Variants in HSF5 observed in about 807,000 individuals in gnomAD.
HSF5 encodes the protein heat shock transcription factor 5.
In HSF5, 5 loss-of-function variants were observed where a neutral mutation model predicts 50.8. That is an observed-to-expected ratio of 0.10 (90% confidence interval 0.05 to 0.21). The LOEUF (loss-of-function observed/expected upper bound fraction) is 0.21, where lower values mean the gene tolerates loss of function less well. Ranked by LOEUF, HSF5 falls within the 10% of genes least tolerant of loss-of-function variation. The pLI is 1.00. For synonymous variants in HSF5, 307 were observed against 307.4 expected, an observed-to-expected ratio of 1.00 and a Z score of 0.02; for missense variants, 564 against 762.6, an observed-to-expected ratio of 0.74 and a Z score of 3.07.
intron 5 of HSF5, among the ~76,000 whole-genome samples, chr17:58,433,725 G>A: frequency 6.6e-6 from 1 of 152,050 alleles, no homozygotes; most frequent in East Asian, 1.9e-4. Flanking sequence ...CTGATAATTG[G>A]CTACTGGATT....
chr17:58,487,792 G>A lies in HSF5; in HGVS notation c.483C>T (p.Ser161=). Residue 161 remains serine (S), a synonymous_variant, in exon 1 of 6, where the codon TCC becomes TCT. Transcript: ENST00000323777. ...RFQRLLITSA[S]AATAPLQHQQ... ...GGTGCTGCAGTGGCGCGGTGGCGGC[G>A]GAGGCCGAGGTGATGAGCAGCCGCT... 6.6e-7 allele frequency: 1 copy of A among 1,515,656 alleles called. No homozygotes were observed. The highest frequency in any genetic ancestry group is 1.2e-5 in the South Asian group (1 of 82,374). 93.9% of individuals were successfully genotyped at this position (1,515,656 alleles called of 1,614,324 possible). A position where few individuals can be genotyped will look rare whatever the true frequency, so the allele number is the denominator to read the frequency against.
chr17:58,458,606 A>C (rs552024032), intron 5 of HSF5, among the ~76,000 whole-genome samples, 162 bp downstream of exon 5: 40 of 152,376 alleles, frequency 2.6e-4, no homozygotes, highest in Middle Eastern at 3.4e-3. Flanking sequence ...AACAATAATT[A>C]AGAACAAATA....
rs776539664 is a variant in HSF5, at chr17:58,480,109, T to C, written c.709A>G (p.Met237Val). 3 of 1,614,148 alleles carry C rather than the reference T, an allele frequency of 1.9e-6. No individual in the cohort carries two copies. The highest frequency in any genetic ancestry group is 2.2e-5 in the South Asian group (2 of 91,082). ...GATGTCTCCACTTGTCCAGGATGCA[T>C]TCCAAGGGAGTTCTGCCATATTCTA... ...PHRIWQNSLGMHPGQVETSPT... is the reference protein window; with the variant it reads ...PHRIWQNSLGVHPGQVETSPT... The change falls in exon 2 of 6, where the codon ATG (methionine) becomes GTG (valine). Residue 237 changes from methionine to valine, a missense_variant. Transcript: ENST00000323777.
intron 5 of HSF5, among the ~76,000 whole-genome samples, chr17:58,434,169 TC>T (rs1285774066): frequency 6.6e-6 from 1 of 151,876 alleles, no homozygotes; most frequent in Non-Finnish European, 1.5e-5. Flanking sequence ...CGCCTCAACC[TC>T]CCAAAGTGCT....
intron 5 of HSF5, among the ~76,000 whole-genome samples, chr17:58,445,041 A>G (rs1321221440): frequency 6.6e-6 from 1 of 152,226 alleles, no homozygotes. Flanking sequence ...ATAATGAGGT[A>G]TCTATCAGCT....
At chr17:58,444,670 G>C (rs1309666225) in intron 5 of HSF5, among the ~76,000 whole-genome samples, 4 of 152,122 alleles carry the variant, frequency 2.6e-5, no homozygotes. Context: ...CACTGGACTT[G>C]GCAATGCTTT....
Position 58,486,314 on chromosome 17 carries a change from G to A in HSF5, c.550+1411C>T, listed in dbSNP as rs185755642. On this transcript the variant is annotated intron_variant, in intron 1 of 5. Transcript: ENST00000323777. The stretch of plus-strand genomic sequence containing the variant: ...CGAGAGGCGGAGGTTGTGGTGAGCC[G>A]AGATCGCGCCATTGCACTCCAGCCT... Among the ~76,000 whole-genome samples, 420 of 152,166 alleles carry A rather than the reference G, an allele frequency of 2.8e-3. 2 individuals carry two copies. The highest frequency in any genetic ancestry group is 9.7e-3 in the African/African-American group (404 of 41,504).
intron 4 of HSF5, 78 bp from the exon 5 acceptor site, chr17:58,459,023 T>C: frequency 7.8e-7 from 1 of 1,284,914 alleles, no homozygotes; most frequent in African/African-American, 1.5e-5. Context: ...ATCAGAGGAG[T>C]TCTATTATGG....
intron 3 of HSF5, 49 bp from the exon 4 acceptor site, chr17:58,463,352 A>G (rs777986762): frequency 1.4e-6 from 2 of 1,441,986 alleles, no homozygotes; most frequent in African/African-American, 2.8e-5. Context: ...AAAATATGAG[A>G]TTAAGGAGGA....
intron 2 of HSF5, among the ~76,000 whole-genome samples, chr17:58,473,261 A>G (rs936765759): frequency 3.3e-5 from 5 of 152,210 alleles, no homozygotes; most frequent in Non-Finnish European, 7.4e-5. Flanking sequence ...TGATTACTAT[A>G]TAAGTATGTG....
Position 58,462,775 on chromosome 17 carries a change from C to T in HSF5, c.1542+7G>A, listed in dbSNP as rs751287845. ...CTTTATAAGCATTTTTTTCTTTGCC[C>T]CCTTACCTGGTGTGTGCTGAATGGT... On this transcript the variant is annotated splice_region_variant and intron_variant, in intron 4 of 5. Coordinates refer to ENST00000323777, the MANE Select transcript of HSF5 (RefSeq NM_001080439.3). The T allele has an allele frequency of 6.4e-7, 1 of 1,573,148 alleles. No homozygotes were observed. Among genetic ancestry groups the T allele is most frequent in the South Asian group, 1.2e-5 (1 of 84,138 alleles).
intron 2 of HSF5, chr17:58,476,555 G>T: frequency 6.9e-7 from 1 of 1,451,672 alleles, no homozygotes; most frequent in Non-Finnish European, 9.7e-7. Flanking sequence ...TCAAGGTAAG[G>T]ATTTTGATCA....
chr17:58,456,612 T>A (rs182078771), intron 5 of HSF5, among the ~76,000 whole-genome samples: 123 of 152,304 alleles, frequency 8.1e-4, no homozygotes, highest in African/African-American at 2.8e-3. Context: ...ATATGGTAAT[T>A]ATCTCAATTT....
At chr17:58,479,805 CAT>C (rs1975073039) in intron 2 of HSF5, 86 bp downstream of exon 2, 2 of 1,180,394 alleles carry the variant, frequency 1.7e-6, no homozygotes, top group Non-Finnish European at 1.2e-6. Context: ...TGTTAAAGCA[CAT>C]AGACATTAAA....
At chr17:58,465,726 T>C (rs1423565178) in intron 3 of HSF5, among the ~76,000 whole-genome samples, 2 of 152,122 alleles carry the variant, frequency 1.3e-5, no homozygotes, top group Non-Finnish European at 2.9e-5. Flanking sequence ...GGCTAGATGA[T>C]TATCCAAGGC....
intron 2 of HSF5, chr17:58,477,021 G>A (rs1341457371): frequency 1.8e-5 from 10 of 565,960 alleles, no homozygotes; most frequent in Non-Finnish European, 2.5e-5. Flanking sequence ...TCCCCCTCAC[G>A]GCACACGCGC....
At chr17:58,447,860 G>A (rs1375729364) in intron 5 of HSF5, among the ~76,000 whole-genome samples, 1 of 152,106 alleles carries the variant, frequency 6.6e-6, no homozygotes, top group African/African-American at 2.4e-5. Context: ...CTAATATCAA[G>A]AACATTCATC....
At chr17:58,423,624 C>A (rs370556614) in intron 5 of HSF5, among the ~76,000 whole-genome samples, 1 of 151,706 alleles carries the variant, frequency 6.6e-6, no homozygotes, top group Non-Finnish European at 1.5e-5. Context: ...GGATTACAGG[C>A]GCACACCACC....
intron 5 of HSF5, among the ~76,000 whole-genome samples, chr17:58,439,506 C>T (rs138100489): frequency 0.014 from 2,116 of 150,408 alleles, 37 homozygotes; most frequent in South Asian, 0.026. Context: ...TTTTTTGAGA[C>T]GGAGTTTTGC....
Sources: allele counts gnomAD v4.1 joint callset (sites outside exome capture counted in the v4.1 genomes callset), GRCh38; gene constraint gnomAD v4.1.1; transcripts MANE v1.5; gene names NCBI Gene and HGNC (gene_info 2026-07-23, HGNC 2026-07-21).